The following MIPEP variants were observed in gnomAD, a reference collection of about 807,000 sequenced individuals.
MIPEP encodes mitochondrial intermediate peptidase.
In MIPEP, 79 loss-of-function variants were observed where a neutral mutation model predicts 90.3. That is an observed-to-expected ratio of 0.87 (90% CI 0.73 to 1.05). The LOEUF (loss-of-function observed/expected upper bound fraction) is 1.05, where lower values mean the gene tolerates loss of function less well. Among genes scored for constraint, MIPEP ranks in the 50% least tolerant of loss-of-function variants. The pLI, the probability that MIPEP is intolerant of heterozygous loss-of-function variation, is 0.00. For missense variants in MIPEP, 940 were observed against 905.6 expected, an observed-to-expected ratio of 1.04 and a Z score of -0.49; for synonymous variants, 334 against 315.8, an observed-to-expected ratio of 1.06 and a Z score of -0.61.
rs1488969341 is a variant in MIPEP at position 23,874,924 on chromosome 13, A to T, written c.540-15T>A. 2.5e-6 allele frequency: 4 copies of T among 1,583,226 alleles called. No homozygotes were observed. The highest frequency in any genetic ancestry group is 3.4e-6 in the Non-Finnish European group (4 of 1,171,364). On this transcript the variant is annotated splice_polypyrimidine_tract_variant and intron_variant, in intron 4 of 18. Coordinates refer to ENST00000382172, the MANE Select transcript of MIPEP (RefSeq NM_005932.4). ...CAGCCACTCGCCTATAAATGAAATG[A>T]GCCCCAGGTTATAACAGGTAATAAA...
At chr13:23,806,134 A>G in intron 15 of MIPEP, 65 bp from the exon 16 acceptor site, 1 of 1,559,720 alleles carries the variant, frequency 6.4e-7, no homozygotes, top group Non-Finnish European at 8.8e-7. Context: ...GTGGTTGACC[A>G]AAGATGCTAT....
intron 13 of MIPEP, among the ~76,000 whole-genome samples, chr13:23,836,674 T>C (rs1869064825): frequency 2.6e-5 from 4 of 152,266 alleles, no homozygotes. Flanking sequence ...ACATTTCTAA[T>C]ATTAATATAG....
chr13:23,819,593 G>A (rs1236634439), intron 14 of MIPEP, among the ~76,000 whole-genome samples: 2 of 151,862 alleles, frequency 1.3e-5, no homozygotes, highest in Non-Finnish European at 2.9e-5. Context: ...TAAAAATCCA[G>A]AAAATTCTGA....
At chr13:23,788,406 T>C (rs1952869256) in intron 16 of MIPEP, among the ~76,000 whole-genome samples, 1 of 152,192 alleles carries the variant, frequency 6.6e-6, no homozygotes, top group African/African-American at 2.4e-5. Flanking sequence ...TCTCGCACTA[T>C]CAGTATTTAG....
At chr13:23,775,604 A>T (rs1357943091) in intron 16 of MIPEP, among the ~76,000 whole-genome samples, 1 of 152,048 alleles carries the variant, frequency 6.6e-6, no homozygotes, top group Non-Finnish European at 1.5e-5. Flanking sequence ...ATGTGCATAT[A>T]TGTTTTACTT....
intron 5 of MIPEP, among the ~76,000 whole-genome samples, 191 bp downstream of exon 5, chr13:23,874,655 G>A (rs1453529466): frequency 6.6e-6 from 1 of 152,192 alleles, no homozygotes; most frequent in Non-Finnish European, 1.5e-5. Flanking sequence ...TTATCATGGT[G>A]TGATAGGTCA....
chr13:23,870,822 A>T (rs1057120838), intron 5 of MIPEP, among the ~76,000 whole-genome samples: 1 of 151,688 alleles, frequency 6.6e-6, no homozygotes, highest in Admixed American at 6.5e-5. Context: ...AACAAAAAAC[A>T]AAAAAACAGT....
chr13:23,862,313 G>A lies in MIPEP; in HGVS notation c.1042C>T (p.Pro348Ser). The part of the protein sequence containing the change: ...MIRGMKMKLN[P>S]QNSEVMPWDP... ...TCCAACATACTTACGGAATTTTGAG[G>A]ATTCAGTTTCATTTTCATCCCTCGT... Residue 348 changes from proline (P) to serine (S), a missense_variant, in exon 9 of 19, where the codon CCT (proline) becomes TCT (serine). Coordinates refer to ENST00000382172, the MANE Select transcript of MIPEP (RefSeq NM_005932.4). The A allele has an allele frequency of 6.4e-7, 1 of 1,564,518 alleles. No homozygotes were observed. Among genetic ancestry groups the A allele is most frequent in the Non-Finnish European group, 8.8e-7 (1 of 1,142,440 alleles).
chr13:23,843,326 G>A (rs1175296887), intron 10 of MIPEP, among the ~76,000 whole-genome samples: 2 of 152,100 alleles, frequency 1.3e-5, no homozygotes, highest in South Asian at 2.1e-4. Context: ...GAAAAGGCAG[G>A]CAGGGGCCAG....
intron 14 of MIPEP, among the ~76,000 whole-genome samples, chr13:23,822,102 G>C (rs2137429808): frequency 6.6e-6 from 1 of 152,294 alleles, no homozygotes; most frequent in South Asian, 2.1e-4. Flanking sequence ...CGTAACAGTG[G>C]TATTTCAAAA....
chr13:23,835,026 T>TC (rs1034401001), intron 14 of MIPEP, among the ~76,000 whole-genome samples: 2 of 148,638 alleles, frequency 1.3e-5, no homozygotes, highest in African/African-American at 5.0e-5. Context: ...CCATTATTCT[T>TC]TTTTTTTTTT....
rs543992659 is a variant in MIPEP at position 23,811,869 on chromosome 13, A to T, written c.1654-1945T>A. ...GGCCCCTGCCTGACAAAGTATCTTTAAAAACTCTAGCCTCCAAGTTCTCAG... is the reference window on the plus strand; with the variant it reads ...GGCCCCTGCCTGACAAAGTATCTTTTAAAACTCTAGCCTCCAAGTTCTCAG... On this transcript the variant is annotated intron_variant, in intron 14 of 18. Transcript: ENST00000382172. Among the ~76,000 whole-genome samples the T allele has an allele frequency of 1.6e-3, 241 of 152,252 alleles. 2 individuals carry two copies. Among genetic ancestry groups the T allele is most frequent in the Middle Eastern group, 6.8e-3 (2 of 294 alleles).
At chr13:23,837,036 G>A (rs1869084859) in intron 13 of MIPEP, among the ~76,000 whole-genome samples, 1 of 152,174 alleles carries the variant, frequency 6.6e-6, no homozygotes, top group African/African-American at 2.4e-5. Flanking sequence ...AATGAAGAAG[G>A]AAGTCTGTAA....
At chr13:23,735,804 G>A (rs1204044489) in intron 18 of MIPEP, among the ~76,000 whole-genome samples, 2 of 152,144 alleles carry the variant, frequency 1.3e-5, no homozygotes, top group Admixed American at 6.5e-5. Context: ...AATAGTTACT[G>A]GGGAAGAATC....
intron 16 of MIPEP, among the ~76,000 whole-genome samples, chr13:23,799,821 T>C (rs1184665806): frequency 6.6e-6 from 1 of 152,252 alleles, no homozygotes; most frequent in Non-Finnish European, 1.5e-5. Flanking sequence ...GTAACTGCTT[T>C]CCTAAAATAA....
At chr13:23,865,561 A>C (rs1369555242) in intron 7 of MIPEP, among the ~76,000 whole-genome samples, 1 of 152,236 alleles carries the variant, frequency 6.6e-6, no homozygotes, top group African/African-American at 2.4e-5. Context: ...ACTGTTTTCA[A>C]ATGAATCCCT....
intron 16 of MIPEP, among the ~76,000 whole-genome samples, chr13:23,791,277 C>T (rs188604850): frequency 1.3e-5 from 2 of 152,304 alleles, no homozygotes; most frequent in Admixed American, 1.3e-4. Flanking sequence ...ACACAACCAT[C>T]CCCACAGCTC....
intron 16 of MIPEP, among the ~76,000 whole-genome samples, chr13:23,782,941 C>A (rs1284654003): frequency 1.3e-5 from 2 of 152,074 alleles, no homozygotes; most frequent in East Asian, 1.9e-4. Context: ...CAATAACAGG[C>A]TCTGAAATTG....
In MIPEP at chr13:23,871,822, C is replaced by T. The variant is rs1308485316; in HGVS notation, c.604-1627G>A. On this transcript the variant is annotated intron_variant, in intron 5 of 18. Transcript: ENST00000382172. ...TTTTGTTTGATATGGCCATTTATCA[C>T]CACCTAATGGTAACAAGTGGAATAA... is the stretch of plus-strand genomic sequence containing the variant. 3.9e-5 allele frequency among the ~76,000 whole-genome samples: 6 copies of T among 152,042 alleles called. No individual in the cohort carries two copies. The East Asian group carries it at 9.6e-4, about 24-fold the overall frequency.
Sources: allele counts gnomAD v4.1 joint callset (sites outside exome capture counted in the v4.1 genomes callset), GRCh38; gene constraint gnomAD v4.1.1; transcripts MANE v1.5; gene names NCBI Gene and HGNC (gene_info 2026-07-23, HGNC 2026-07-21).